Variants in CELF4 observed in about 807,000 individuals in gnomAD.
The protein encoded by CELF4 is CUG-BP- and ETR-3-like factor 4.
A neutral mutation model predicts 59.9 loss-of-function variants in CELF4; 18 were observed. The observed-to-expected ratio is 0.30, with a 90% CI of 0.21 to 0.45. The LOEUF is 0.45. Among genes scored for constraint, CELF4 ranks in the 20% least tolerant of loss-of-function variants. CELF4 has a pLI of 1.00. For synonymous variants in CELF4, 261 were observed against 267.1 expected, an observed-to-expected ratio of 0.98 and a Z score of 0.22; for missense variants, 456 against 689.0, an observed-to-expected ratio of 0.66 and a Z score of 3.79.
intron 3 of CELF4, among the ~76,000 whole-genome samples, chr18:37,293,961 A>G (rs2095495136): frequency 6.6e-6 from 1 of 152,158 alleles, no homozygotes; most frequent in Non-Finnish European, 1.5e-5. Context: ...AGCAAACCAA[A>G]TAGCCAACCA....
At position 37,331,666 on chromosome 18, in the gene CELF4, CT is replaced by C. The variant is rs1330668226; in HGVS notation, c.370-9786del. Among the ~76,000 whole-genome samples, 4 of 151,318 alleles carry C rather than the reference CT, an allele frequency of 2.6e-5. No individual in the cohort carries two copies. The East Asian group carries it at 7.8e-4, about 30-fold the overall frequency. On this transcript the variant is annotated intron_variant, in intron 2 of 12. Transcript: ENST00000420428. Reference sequence around the variant, plus strand: ...CCCATGCTCCAGACCTTCTGTTGACCTCATGACAGGGCTCACATCCTTCAGT... The same window carrying C: ...CCCATGCTCCAGACCTTCTGTTGACCCATGACAGGGCTCACATCCTTCAGT...
intron 11 of CELF4, among the ~76,000 whole-genome samples, chr18:37,257,082 A>AG (rs1452098294): frequency 2.6e-5 from 4 of 151,960 alleles, no homozygotes; most frequent in Admixed American, 6.5e-5. Context: ...TACTAATTAG[A>AG]GAGAAAAAAA....
intron 2 of CELF4, among the ~76,000 whole-genome samples, chr18:37,383,852 C>T (rs1262085499): frequency 6.6e-6 from 1 of 152,222 alleles, no homozygotes; most frequent in East Asian, 1.9e-4. Context: ...AGCTCCTCTC[C>T]TTGCTGGCTA....
chr18:37,283,649 C>A (rs2094408063), intron 3 of CELF4, among the ~76,000 whole-genome samples: 1 of 152,062 alleles, frequency 6.6e-6, no homozygotes, highest in Admixed American at 6.5e-5. Context: ...AGGAGCTGAC[C>A]TTCAGGAATC....
Position 37,508,245 on chromosome 18 carries a change from T to A in CELF4, c.287-22638A>T, listed in dbSNP as rs182800650. ...AGACATTGGAAGCTGTGGGTGCCAG[T>A]GGAGATTGGGGTTGGTAAGTGCTAG... On this transcript the variant is annotated intron_variant, in intron 1 of 12. Coordinates refer to ENST00000420428, the MANE Select transcript of CELF4 (RefSeq NM_020180.4). Among the ~76,000 whole-genome samples, 242 of 152,154 alleles carry A rather than the reference T, an allele frequency of 1.6e-3. 1 individual carries two copies. The highest frequency in any genetic ancestry group is 5.7e-3 in the African/African-American group (237 of 41,496).
At chr18:37,336,362 A>C (rs979189909) in intron 2 of CELF4, among the ~76,000 whole-genome samples, 2 of 152,092 alleles carry the variant, frequency 1.3e-5, no homozygotes, top group Non-Finnish European at 2.9e-5. Context: ...TTTTAAAATA[A>C]TTATTTGTAG....
At position 37,274,244 on chromosome 18, in the gene CELF4, G is replaced by C. The variant is rs1482046467; in HGVS notation, c.801+67C>G. The C allele has an allele frequency of 1.9e-6, 3 of 1,590,398 alleles. No homozygotes were observed. The African/African-American group carries it at 4.1e-5, about 22-fold the overall frequency. ...GATAGAGTAGTATTTTCGGTTTCATGTCCCGCTCTCTGAGGCTCCCAGGGG... is the reference window on the plus strand; with the variant it reads ...GATAGAGTAGTATTTTCGGTTTCATCTCCCGCTCTCTGAGGCTCCCAGGGG... On this transcript the variant is annotated intron_variant, in intron 6 of 12. Transcript: ENST00000420428.
At chr18:37,470,812 G>A (rs2099818993) in intron 2 of CELF4, among the ~76,000 whole-genome samples, 2 of 145,674 alleles carry the variant, frequency 1.4e-5, no homozygotes, top group Admixed American at 1.4e-4. Context: ...ATGGATCCCA[G>A]GCAGATCCTG....
At chr18:37,394,004 A>G (rs1167416570) in intron 2 of CELF4, among the ~76,000 whole-genome samples, 1 of 151,672 alleles carries the variant, frequency 6.6e-6, no homozygotes, top group African/African-American at 2.4e-5. Context: ...CACTCTACAA[A>G]CAACAACAAA....
At chr18:37,470,887 T>TGTGAGAGAGAGAGAGAGAGAGAGAGA in intron 2 of CELF4, among the ~76,000 whole-genome samples, 1 of 71,928 alleles carries the variant, frequency 1.4e-5, no homozygotes, top group Non-Finnish European at 2.7e-5. Flanking sequence ...TGTGTGTGTG[T>TGTGAGAGAGAGAGAGAGAGAGAGAGA]GACAGAGAGA....
chr18:37,363,935 G>A (rs1041029147), intron 2 of CELF4, among the ~76,000 whole-genome samples: 1 of 152,180 alleles, frequency 6.6e-6, no homozygotes, highest in Admixed American at 6.5e-5. Flanking sequence ...GCGGCTAGTG[G>A]TGTGGACTGA....
intron 2 of CELF4, among the ~76,000 whole-genome samples, chr18:37,363,470 A>G (rs889031070): frequency 3.3e-5 from 5 of 152,212 alleles, no homozygotes; most frequent in African/African-American, 1.2e-4. Context: ...CAGAATTCTA[A>G]CTCTATTGAT....
At chr18:37,388,716 A>T (rs1453351576) in intron 2 of CELF4, among the ~76,000 whole-genome samples, 2 of 152,154 alleles carry the variant, frequency 1.3e-5, no homozygotes, top group East Asian at 1.9e-4. Context: ...TCCAACTTAC[A>T]TGGGAGTAGG....
chr18:37,381,008 A>C (rs1049776378), intron 2 of CELF4, among the ~76,000 whole-genome samples: 36 of 150,134 alleles, frequency 2.4e-4, no homozygotes, highest in Non-Finnish European at 3.0e-5. Flanking sequence ...TCCACCATCC[A>C]TCCATCTATC....
intron 2 of CELF4, among the ~76,000 whole-genome samples, chr18:37,397,876 T>A (rs541091703): frequency 6.6e-6 from 1 of 152,058 alleles, no homozygotes; most frequent in South Asian, 2.1e-4. Context: ...CTGGGTGGAG[T>A]GGGCGGGGGC....
intron 2 of CELF4, among the ~76,000 whole-genome samples, chr18:37,465,995 G>A (rs1020263350): frequency 6.6e-6 from 1 of 152,158 alleles, no homozygotes; most frequent in Non-Finnish European, 1.5e-5. Flanking sequence ...CTGGAGTGCT[G>A]GCAGAGTCAA....
intron 3 of CELF4, among the ~76,000 whole-genome samples, chr18:37,316,246 G>C (rs2096866344): frequency 6.6e-6 from 1 of 152,138 alleles, no homozygotes; most frequent in South Asian, 2.1e-4. Context: ...GGCAGGCAGG[G>C]AGGGGCCTGC....
intron 1 of CELF4, among the ~76,000 whole-genome samples, chr18:37,514,732 A>G (rs1424254083): frequency 2.6e-5 from 4 of 152,182 alleles, no homozygotes; most frequent in Non-Finnish European, 5.9e-5. Context: ...TATTTTTTCA[A>G]TATATGATTT....
chr18:37,273,574 T>C (rs1035533177), intron 6 of CELF4: 10 of 994,076 alleles, frequency 1.0e-5, no homozygotes, highest in Non-Finnish European at 1.2e-5. Flanking sequence ...ATTTGGAGTC[T>C]GTTGGTAGAA....
Sources: allele counts gnomAD v4.1 joint callset (sites outside exome capture counted in the v4.1 genomes callset), GRCh38; gene constraint gnomAD v4.1.1; transcripts MANE v1.5; gene names NCBI Gene and HGNC (gene_info 2026-07-23, HGNC 2026-07-21).